Variants in TBX15 observed in about 807,000 individuals in gnomAD.
TBX15 encodes the protein T-box transcription factor TBX15.
A neutral mutation model predicts 53.9 loss-of-function variants in TBX15; 18 were observed. That is an observed-to-expected ratio of 0.33 (90% CI 0.23 to 0.49). The LOEUF is 0.49. TBX15 is among the 20% of genes least tolerant of loss of function. The pLI, the probability that TBX15 is intolerant of heterozygous loss-of-function variation, is 0.98. For synonymous variants in TBX15, 295 were observed against 278.0 expected, an observed-to-expected ratio of 1.06 and a Z score of -0.61; for missense variants, 692 against 749.5, an observed-to-expected ratio of 0.92 and a Z score of 0.90.
chr1:118,926,684 T>C (rs1655606736), intron 2 of TBX15, 73 bp from the exon 3 acceptor site: 2 of 1,306,782 alleles, frequency 1.5e-6, no homozygotes, highest in Non-Finnish European at 2.2e-6. Flanking sequence ...GCTTAAACAA[T>C]GTGGGTTTTT....
At chr1:118,979,153 T>G (rs1179628305) in intron 1 of TBX15, among the ~76,000 whole-genome samples, 2 of 152,240 alleles carry the variant, frequency 1.3e-5, no homozygotes, top group South Asian at 4.1e-4. Context: ...TTATTTCAGC[T>G]ACTAGTAGTC....
At chr1:118,898,070 A>C (rs1654489097) in intron 7 of TBX15, among the ~76,000 whole-genome samples, 1 of 152,202 alleles carries the variant, frequency 6.6e-6, no homozygotes, top group Non-Finnish European at 1.5e-5. Context: ...TTAATTCAAG[A>C]ATTCTATTTG....
At chr1:118,893,269 AGAAG>A (rs373917263) in intron 7 of TBX15, among the ~76,000 whole-genome samples, 5,912 of 61,012 alleles carry the variant, frequency 0.097, 418 homozygotes, top group South Asian at 0.14. Flanking sequence ...AAAGAAAGGA[AGAAG>A]GAAGGAAGGA....
At chr1:118,955,647 A>G (rs1656664774) in intron 1 of TBX15, among the ~76,000 whole-genome samples, 2 of 152,212 alleles carry the variant, frequency 1.3e-5, no homozygotes, top group Admixed American at 1.3e-4. Context: ...TACAAAGAGT[A>G]AGAACTCCCT....
chr1:118,921,532 T>C (rs1006660368), intron 5 of TBX15, among the ~76,000 whole-genome samples: 1 of 152,156 alleles, frequency 6.6e-6, no homozygotes, highest in African/African-American at 2.4e-5. Context: ...GACAAGAAAC[T>C]GAAGCACTGA....
At chr1:118,939,256 A>C (rs926745930) in intron 1 of TBX15, among the ~76,000 whole-genome samples, 1 of 151,536 alleles carries the variant, frequency 6.6e-6, no homozygotes, top group Non-Finnish European at 1.5e-5. Flanking sequence ...AAAATCCAAA[A>C]ATTAGCCAGG....
chr1:118,943,789 G>GA (rs1424329162), intron 1 of TBX15, among the ~76,000 whole-genome samples: 1 of 152,104 alleles, frequency 6.6e-6, no homozygotes, highest in Non-Finnish European at 1.5e-5. Context: ...TGAGGAGGCA[G>GA]AAAAAAATCT....
intron 1 of TBX15, among the ~76,000 whole-genome samples, chr1:118,975,653 T>C (rs1317431529): frequency 6.6e-6 from 1 of 152,120 alleles, no homozygotes; most frequent in African/African-American, 2.4e-5. Flanking sequence ...ATTGGTAAAA[T>C]GGGGAAAGAA....
At chr1:118,971,388 C>A (rs774664699) in intron 1 of TBX15, among the ~76,000 whole-genome samples, 2 of 152,154 alleles carry the variant, frequency 1.3e-5, no homozygotes, top group Non-Finnish European at 2.9e-5. Context: ...CATCTTGAAG[C>A]CAAGTCATCT....
At chr1:118,962,396 T>C (rs1339550330) in intron 1 of TBX15, among the ~76,000 whole-genome samples, 1 of 152,066 alleles carries the variant, frequency 6.6e-6, no homozygotes, top group Non-Finnish European at 1.5e-5. Flanking sequence ...AGGGTAACTA[T>C]CATCACTTCT....
At chr1:118,977,971 T>G (rs931902416) in intron 1 of TBX15, among the ~76,000 whole-genome samples, 8 of 152,244 alleles carry the variant, frequency 5.3e-5, no homozygotes, top group African/African-American at 1.9e-4. Context: ...TGAAGTTGCT[T>G]TTTTCAACCC....
At chr1:118,977,290 T>A (rs73009551) in intron 1 of TBX15, among the ~76,000 whole-genome samples, 1,848 of 152,342 alleles carry the variant, frequency 0.012, 41 homozygotes, top group African/African-American at 0.042. Flanking sequence ...TATATACACA[T>A]ATATATGCAC....
intron 1 of TBX15, among the ~76,000 whole-genome samples, chr1:118,956,840 G>T (rs1334568126): frequency 6.6e-6 from 1 of 151,858 alleles, no homozygotes; most frequent in African/African-American, 2.4e-5. Context: ...GTGGGCGCCT[G>T]TAGTCCCAGC....
At chr1:118,973,706 A>G (rs1421983922) in intron 1 of TBX15, among the ~76,000 whole-genome samples, 1 of 152,106 alleles carries the variant, frequency 6.6e-6, no homozygotes, top group Non-Finnish European at 1.5e-5. Flanking sequence ...CACGCAGGCT[A>G]GGGAACTGTT....
intron 6 of TBX15, among the ~76,000 whole-genome samples, chr1:118,899,790 A>C (rs1209863663): frequency 6.6e-6 from 1 of 152,222 alleles, no homozygotes; most frequent in Admixed American, 6.5e-5. Flanking sequence ...TCTGCATTTT[A>C]GTAACCTAAT....
At chr1:118,981,986 T>C (rs946884207) in intron 1 of TBX15, among the ~76,000 whole-genome samples, 2 of 152,228 alleles carry the variant, frequency 1.3e-5, no homozygotes, top group African/African-American at 4.8e-5. Context: ...GTTTTCCCTT[T>C]TGTGAAAAGT....
intron 6 of TBX15, 91 bp from the exon 7 acceptor site, chr1:118,899,216 G>T: frequency 8.4e-7 from 1 of 1,190,820 alleles, no homozygotes; most frequent in Non-Finnish European, 1.2e-6. Flanking sequence ...TGTCAAACAG[G>T]TAATAAAAAC....
At chr1:118,938,145 G>A (rs1656025524) in intron 1 of TBX15, among the ~76,000 whole-genome samples, 1 of 152,164 alleles carries the variant, frequency 6.6e-6, no homozygotes, top group Non-Finnish European at 1.5e-5. Context: ...AGAGCTTCAA[G>A]GGAATGAACT....
chr1:118,889,841 T>C (rs1441726726), intron 7 of TBX15, among the ~76,000 whole-genome samples: 1 of 152,142 alleles, frequency 6.6e-6, no homozygotes, highest in African/African-American at 2.4e-5. Flanking sequence ...TCTCACTATG[T>C]TGCTCAGGCT....
Sources: gnomAD v4.1 joint callset for allele counts (sites outside exome capture counted in the v4.1 genomes callset) on GRCh38, gnomAD v4.1.1 for gene constraint, MANE v1.5 for transcripts, NCBI Gene and HGNC (gene_info 2026-07-23, HGNC 2026-07-21) for gene names.